KATNIP: variants seen among roughly 807,000 people sequenced by gnomAD.
The protein encoded by KATNIP is katanin-interacting protein.
Under a neutral mutation model 174.0 loss-of-function variants are expected in KATNIP, and 126 were observed. The observed-to-expected ratio is 0.72, with a 90% CI of 0.63 to 0.84. The LOEUF is 0.84. Among genes scored for constraint, KATNIP ranks in the 40% least tolerant of loss-of-function variants. KATNIP has a pLI of 0.00. For missense variants in KATNIP, 1,958 were observed against 2,109.7 expected (o/e 0.93, Z 1.41); for synonymous variants, 810 against 835.7 (o/e 0.97, Z 0.53).
chr16:27,719,314 A>G (rs2080103522), intron 13 of KATNIP, among the ~76,000 whole-genome samples: 1 of 152,130 alleles, frequency 6.6e-6, no homozygotes, highest in Admixed American at 6.5e-5. Context: ...CTGAGCTGCC[A>G]TGTCTTCCGA....
At chr16:27,660,543 C>G (rs1286819906) in intron 6 of KATNIP, among the ~76,000 whole-genome samples, 1 of 151,842 alleles carries the variant, frequency 6.6e-6, no homozygotes, top group Non-Finnish European at 1.5e-5. Flanking sequence ...AGCAAGACTC[C>G]ATCTCAAACA....
chr16:27,739,463 G>T (rs1282240566), intron 14 of KATNIP, among the ~76,000 whole-genome samples: 2 of 152,090 alleles, frequency 1.3e-5, no homozygotes, highest in Non-Finnish European at 2.9e-5. Flanking sequence ...ATTTCCTCTT[G>T]GAATCACCTG....
chr16:27,601,485 G>C lies in KATNIP; in HGVS notation c.64-16940G>C, dbSNP rs553144298. Among the ~76,000 whole-genome samples the C allele has an allele frequency of 6.6e-4, 101 of 152,214 alleles. 1 individual carries two copies. In the South Asian group the frequency reaches 0.015, roughly 23 times the overall value. On this transcript the variant is annotated intron_variant, in intron 2 of 27. Coordinates refer to ENST00000261588, the MANE Select transcript of KATNIP (RefSeq NM_015202.5). The stretch of plus-strand genomic sequence containing the variant: ...TATTTATTTACTTATTATAGAGACG[G>C]GGCAGGGGGAGTGGGGCGGGTGCTC...
intron 14 of KATNIP, among the ~76,000 whole-genome samples, chr16:27,726,548 G>A (rs1373589512): frequency 6.6e-6 from 1 of 152,202 alleles, no homozygotes; most frequent in Non-Finnish European, 1.5e-5. Flanking sequence ...CAGTGCTGAG[G>A]GTACAGTGGT....
intron 6 of KATNIP, among the ~76,000 whole-genome samples, chr16:27,667,025 T>TA (rs767272674): frequency 1.3e-5 from 2 of 152,028 alleles, no homozygotes; most frequent in African/African-American, 4.8e-5. Context: ...GTATATTCAA[T>TA]AAAAAATATT....
intron 6 of KATNIP, among the ~76,000 whole-genome samples, chr16:27,667,247 C>T (rs111849795): frequency 2.7e-5 from 4 of 150,202 alleles, no homozygotes; most frequent in Non-Finnish European, 4.4e-5. Context: ...CCCAGGAGGT[C>T]GAGGTTGCAG....
intron 2 of KATNIP, among the ~76,000 whole-genome samples, chr16:27,597,071 T>C (rs2075359045): frequency 6.6e-6 from 1 of 152,158 alleles, no homozygotes; most frequent in South Asian, 2.1e-4. Flanking sequence ...GTGCGTGCTG[T>C]GGTCCCAGCT....
chr16:27,706,884 C>A (rs763916949), intron 12 of KATNIP, among the ~76,000 whole-genome samples: 2 of 152,214 alleles, frequency 1.3e-5, no homozygotes, highest in Non-Finnish European at 2.9e-5. Context: ...CCCCTGGAGT[C>A]AACTAGGCCA....
At chr16:27,603,041 T>G (rs776689849) in intron 2 of KATNIP, among the ~76,000 whole-genome samples, 10 of 152,218 alleles carry the variant, frequency 6.6e-5, no homozygotes, top group Admixed American at 2.6e-4. Flanking sequence ...AGCAAGGAGC[T>G]AGGGTCTGGG....
chr16:27,589,421 G>C (rs2075101848), intron 2 of KATNIP, among the ~76,000 whole-genome samples: 1 of 152,226 alleles, frequency 6.6e-6, no homozygotes, highest in Admixed American at 6.5e-5. Context: ...AATGAGCATG[G>C]CTGTGTTCCA....
At chr16:27,603,297 C>G (rs1044042509) in intron 2 of KATNIP, among the ~76,000 whole-genome samples, 6 of 152,168 alleles carry the variant, frequency 3.9e-5, no homozygotes, top group Non-Finnish European at 7.3e-5. Flanking sequence ...AACCTGGTGG[C>G]CTTTCATTGG....
chr16:27,681,638 A>T (rs2078347595), intron 8 of KATNIP, 108 bp downstream of exon 8: 1 of 1,282,218 alleles, frequency 7.8e-7, no homozygotes, highest in Middle Eastern at 2.4e-4. Flanking sequence ...GCAGAGGGCT[A>T]GCTGCCCTTT....
intron 1 of KATNIP, among the ~76,000 whole-genome samples, chr16:27,552,198 T>C (rs1470957809): frequency 6.6e-6 from 1 of 152,212 alleles, no homozygotes; most frequent in Non-Finnish European, 1.5e-5. Context: ...CTCTCATTTC[T>C]GCTTCAGGAT....
intron 9 of KATNIP, 175 bp from the exon 10 acceptor site, chr16:27,699,359 T>G (rs1040910042): frequency 1.3e-6 from 1 of 759,512 alleles, no homozygotes; most frequent in Non-Finnish European, 1.6e-6. Context: ...CTTTGGGGCA[T>G]CCATCGAGCA....
rs146052658 is a variant in KATNIP at position 27,658,901 on chromosome 16, T to G, written c.540+10166T>G. 2.1e-3 allele frequency among the ~76,000 whole-genome samples: 327 copies of G among 152,192 alleles called. 1 individual carries two copies. Among genetic ancestry groups the G allele is most frequent in the African/African-American group, 7.5e-3 (313 of 41,528 alleles). On this transcript the variant is annotated intron_variant, in intron 6 of 27. Coordinates refer to ENST00000261588, the MANE Select transcript of KATNIP (RefSeq NM_015202.5). ...CCTCAGCTTCCTGAGTAGCTGGGAT[T>G]ACAGATGTGTGCTAGCATGCCCAGC...
intron 2 of KATNIP, among the ~76,000 whole-genome samples, chr16:27,575,795 G>C (rs2090475948): frequency 6.6e-6 from 1 of 152,186 alleles, no homozygotes; most frequent in Admixed American, 6.5e-5. Flanking sequence ...TCTAGGATGA[G>C]GGCTGGACGA....
rs1045300075 is a variant in KATNIP at position 27,737,355 on chromosome 16, C to T, written c.1744-2686C>T. On this transcript the variant is annotated intron_variant, in intron 14 of 27. Coordinates refer to ENST00000261588, the MANE Select transcript of KATNIP (RefSeq NM_015202.5). ...CCTGATCGAGCCACTGTAACGCCAGCCTGGGCAACAGAGCAAGACCTTGTC... is the reference window on the plus strand; with the variant it reads ...CCTGATCGAGCCACTGTAACGCCAGTCTGGGCAACAGAGCAAGACCTTGTC... Among the ~76,000 whole-genome samples, 12 of 152,174 alleles carry T rather than the reference C, an allele frequency of 7.9e-5. No homozygotes were observed. In the East Asian group the frequency reaches 2.3e-3, roughly 29 times the overall value.
Position 27,708,719 on chromosome 16 carries a change from G to A in KATNIP, c.1404G>A (p.Met468Ile). Residue 468 changes from methionine (M) to isoleucine (I), a missense_variant, in exon 13 of 28, where the codon ATG becomes ATA. This residue lies in a region of KATNIP where 1,557 missense variants were observed against 1,617.8 expected (regional missense o/e 0.96). Transcript: ENST00000261588. ...QVSDTEDKQR[M>I]RADEIKDAIY... Reference sequence around the variant, plus strand: ...TCTTCTTTAAGGACAAACAGAGAATGAGGGCAGACGAGATCAAAGATGCCA... The same window carrying A: ...TCTTCTTTAAGGACAAACAGAGAATAAGGGCAGACGAGATCAAAGATGCCA... 1 of 1,612,268 alleles carries A rather than the reference G, an allele frequency of 6.2e-7. No individual in the cohort carries two copies. Among genetic ancestry groups the A allele is most frequent in the Non-Finnish European group, 8.5e-7 (1 of 1,178,732 alleles).
rs28682286 is a variant in KATNIP at position 27,693,681 on chromosome 16, G to A, written c.941-4647G>A. Among the ~76,000 whole-genome samples, 1,178 of 152,216 alleles carry A rather than the reference G, an allele frequency of 7.7e-3. 16 individuals carry two copies. The highest frequency in any genetic ancestry group is 0.027 in the African/African-American group (1,118 of 41,524). On this transcript the variant is annotated intron_variant, in intron 8 of 27. Coordinates refer to ENST00000261588, the MANE Select transcript of KATNIP (RefSeq NM_015202.5). ...TGGGATTACAGACGTGAGCCACTGC[G>A]CCTGGCCCCACTTGATGTTTATTGC...
Sources: gnomAD v4.1 joint callset for allele counts (sites outside exome capture counted in the v4.1 genomes callset) on GRCh38, gnomAD v4.1.1 for gene constraint, gnomAD v4.1.1 regional missense constraint, MANE v1.5 for transcripts, NCBI Gene and HGNC (gene_info 2026-07-23, HGNC 2026-07-21) for gene names.